FNDC3A: variants seen among roughly 807,000 people sequenced by gnomAD.
FNDC3A encodes fibronectin type III domain containing 3A.
In FNDC3A, 32 loss-of-function variants were observed where a neutral mutation model predicts 148.9. The observed-to-expected ratio is 0.21, with a 90% CI of 0.16 to 0.29. The LOEUF (loss-of-function observed/expected upper bound fraction) is 0.29. Ranked by LOEUF, FNDC3A falls within the 10% of genes least tolerant of loss-of-function variation. The pLI is 1.00. For missense variants in FNDC3A, 1,191 were observed against 1,452.8 expected, an observed-to-expected ratio of 0.82 and a Z score of 2.93; for synonymous variants, 472 against 473.6, an observed-to-expected ratio of 1.00 and a Z score of 0.04.
At chr13:49,143,590 G>C (rs567031246) in intron 7 of FNDC3A, among the ~76,000 whole-genome samples, 1 of 152,142 alleles carries the variant, frequency 6.6e-6, no homozygotes, top group South Asian at 2.1e-4. Context: ...AGGATAGACA[G>C]GGATTCCATA....
chr13:49,016,583 T>TAA (rs1872802301), intron 2 of FNDC3A, among the ~76,000 whole-genome samples: 1 of 152,206 alleles, frequency 6.6e-6, no homozygotes, highest in Non-Finnish European at 1.5e-5. Flanking sequence ...TTGAAGGGTT[T>TAA]TGTGTGTCTC....
At chr13:49,034,851 A>G (rs922464417) in intron 2 of FNDC3A, among the ~76,000 whole-genome samples, 5 of 152,036 alleles carry the variant, frequency 3.3e-5, no homozygotes, top group African/African-American at 7.2e-5. Flanking sequence ...CTCAATCCTA[A>G]AATGAACAAA....
Position 49,084,915 on chromosome 13 carries a change from C to T in FNDC3A, c.175+9551C>T, listed in dbSNP as rs1448149166. On this transcript the variant is annotated intron_variant, in intron 3 of 25. Coordinates refer to ENST00000492622, the MANE Select transcript of FNDC3A (RefSeq NM_001079673.2). ...CCCTCATTAAAGAAGTAACCAGCCC[C>T]GGTGCTTCTGGGGGCAGTTATTGTC... Among the ~76,000 whole-genome samples, 8 of 152,116 alleles carry T rather than the reference C, an allele frequency of 5.3e-5. 1 individual carries two copies. The highest frequency in any genetic ancestry group is 4.1e-4 in the South Asian group (2 of 4,820).
chr13:49,050,469 T>C (rs190026278), intron 2 of FNDC3A, among the ~76,000 whole-genome samples: 1 of 152,190 alleles, frequency 6.6e-6, no homozygotes, highest in African/African-American at 2.4e-5. Flanking sequence ...CCTTTTGGAG[T>C]TGATTTCTGA....
chr13:49,180,012 A>T (rs1040652118), intron 14 of FNDC3A, among the ~76,000 whole-genome samples: 2 of 152,218 alleles, frequency 1.3e-5, no homozygotes, highest in Non-Finnish European at 2.9e-5. Context: ...TTATATACAG[A>T]TATTTATACA....
chr13:49,110,790 T>C (rs974956767), intron 3 of FNDC3A, among the ~76,000 whole-genome samples: 2 of 152,206 alleles, frequency 1.3e-5, no homozygotes, highest in Non-Finnish European at 2.9e-5. Flanking sequence ...AAAAACCTCT[T>C]AAATATGAAT....
intron 3 of FNDC3A, among the ~76,000 whole-genome samples, chr13:49,096,264 A>T (rs774774449): frequency 6.6e-5 from 10 of 152,080 alleles, no homozygotes; most frequent in Non-Finnish European, 1.5e-4. Context: ...CTATGGCTCC[A>T]GAGGTTAAAA....
chr13:48,975,842 G>C (rs1593426644), upstream of FNDC3A: 1 of 151,654 alleles, frequency 6.6e-6, no homozygotes, highest in African/African-American at 2.4e-5. Flanking sequence ...CGGGGGTTCG[G>C]GGTCCCGGCC....
intron 10 of FNDC3A, among the ~76,000 whole-genome samples, chr13:49,171,829 G>T (rs555317794): frequency 8.5e-5 from 13 of 152,264 alleles, no homozygotes; most frequent in Middle Eastern, 6.8e-3. Context: ...TCAGTGTTCG[G>T]AAAGACTTGA....
intron 1 of FNDC3A, among the ~76,000 whole-genome samples, chr13:48,979,748 G>C (rs1293690281): frequency 6.6e-6 from 1 of 152,076 alleles, no homozygotes; most frequent in Non-Finnish European, 1.5e-5. Context: ...CCAACTTTTT[G>C]TGTAGAGTGC....
In FNDC3A at chr13:49,144,010, A is replaced by ACTACTG. The variant is rs1183066775; in HGVS notation, c.820-1766_820-1765insACTGCT. 2.9e-3 allele frequency among the ~76,000 whole-genome samples: 440 copies of ACTACTG among 149,160 alleles called. 10 individuals carry two copies. The highest frequency in any genetic ancestry group is 0.028 in the Admixed American group (408 of 14,716). ...TACTACTACTACTACTACTACTACT[A>ACTACTG]CTGCTACTACTACTACTACTACTAA... is the stretch of plus-strand genomic sequence containing the variant. On this transcript the variant is annotated intron_variant, in intron 7 of 25. Coordinates refer to ENST00000492622, the MANE Select transcript of FNDC3A (RefSeq NM_001079673.2).
At chr13:48,990,980 G>A (rs1338634467) in intron 1 of FNDC3A, among the ~76,000 whole-genome samples, 1 of 152,148 alleles carries the variant, frequency 6.6e-6, no homozygotes, top group East Asian at 1.9e-4. Flanking sequence ...AAATCAACAA[G>A]AGAGAGGGGA....
rs759290195 is a variant in FNDC3A at position 49,043,122 on chromosome 13, GT to G, written c.100-32151del. Among the ~76,000 whole-genome samples, 857 of 136,458 alleles carry G rather than the reference GT, an allele frequency of 6.3e-3. 4 individuals are homozygous for G. The highest frequency in any genetic ancestry group is 9.3e-3 in the Non-Finnish European group (580 of 62,554). 89.5% of individuals were successfully genotyped at this position (136,458 alleles called of 152,430 possible). ...AAATGTGTGCCACCACACCCAGCCA[GT>G]TTTTTTTTTTTTTTTAATATTTTGT... On this transcript the variant is annotated intron_variant, in intron 2 of 25. Coordinates refer to ENST00000492622, the MANE Select transcript of FNDC3A (RefSeq NM_001079673.2).
chr13:49,072,098 T>G (rs1877733641), intron 2 of FNDC3A, among the ~76,000 whole-genome samples: 1 of 152,220 alleles, frequency 6.6e-6, no homozygotes, highest in African/African-American at 2.4e-5. Flanking sequence ...GCCCAGACCA[T>G]GGTCCTTTAG....
At chr13:49,149,932 G>T (rs544674120) in intron 8 of FNDC3A, among the ~76,000 whole-genome samples, 1 of 152,248 alleles carries the variant, frequency 6.6e-6, no homozygotes, top group African/African-American at 2.4e-5. Flanking sequence ...ATGTATCTAG[G>T]AATTTGTCCA....
chr13:49,144,010 A>ACTACTACTG (rs1183066775), intron 7 of FNDC3A, among the ~76,000 whole-genome samples: 16 of 149,260 alleles, frequency 1.1e-4, no homozygotes, highest in Admixed American at 8.8e-4. Context: ...TACTACTACT[A>ACTACTACTG]CTGCTACTAC....
At position 49,191,256 on chromosome 13, in the gene FNDC3A, G is replaced by A; in HGVS notation, c.2098G>A (p.Glu700Lys). The change falls in exon 19 of 26, where the codon GAA (glutamate) becomes AAA (lysine). Residue 700 changes from glutamate to lysine, a missense_variant. By Grantham distance (56) the Glu-to-Lys change is moderately conservative (BLOSUM62 1). This residue lies in a region of FNDC3A where 751 missense variants were observed against 944.0 expected (regional missense o/e 0.80). Transcript: ENST00000492622. ...ATCACCCATTTCCTGTTACAGTGTG[G>A]AAATGTCTCCTATAGAAAAAGATGA... ...GGSPISCYSV[E>K]MSPIEKDEPR... is the part of the protein sequence containing the mutation. 1 of 1,612,744 alleles carries A rather than the reference G, an allele frequency of 6.2e-7. No homozygotes were observed. Among genetic ancestry groups the A allele is most frequent in the Non-Finnish European group, 8.5e-7 (1 of 1,179,608 alleles).
At chr13:49,149,686 C>A (rs964194930) in intron 8 of FNDC3A, among the ~76,000 whole-genome samples, 2 of 152,044 alleles carry the variant, frequency 1.3e-5, no homozygotes, top group African/African-American at 4.8e-5. Context: ...GGTTTTGGTA[C>A]CAGAGTGATG....
chr13:49,070,373 C>T (rs1211229548), intron 2 of FNDC3A, among the ~76,000 whole-genome samples: 1 of 151,760 alleles, frequency 6.6e-6, no homozygotes, highest in Non-Finnish European at 1.5e-5. Context: ...ACATTTTAAC[C>T]CAGTATGTCC....
Sources: allele counts gnomAD v4.1 joint callset (sites outside exome capture counted in the v4.1 genomes callset), GRCh38; gene constraint gnomAD v4.1.1; regional missense constraint gnomAD v4.1.1; transcripts MANE v1.5; gene names NCBI Gene and HGNC (gene_info 2026-07-23, HGNC 2026-07-21).